MACF1: variants seen among roughly 807,000 people sequenced by gnomAD.
The protein encoded by MACF1 is microtubule-actin cross-linking factor 1.
Under a neutral mutation model 854.8 loss-of-function variants are expected in MACF1, and 193 were observed. The ratio of observed to expected loss-of-function variants is 0.23; its 90% CI spans 0.20 to 0.25. The LOEUF (loss-of-function observed/expected upper bound fraction) is 0.25. Among genes scored for constraint, MACF1 ranks in the 10% least tolerant of loss-of-function variants. The probability of loss-of-function intolerance (pLI) is 1.00; values close to 1 mark genes in which losing one functional copy is unlikely to be tolerated. For missense variants in MACF1, 7,722 were observed against 8,929.1 expected (o/e 0.86, Z 5.45); for synonymous variants, 3,185 against 3,226.7 (o/e 0.99, Z 0.44).
At chr1:39,093,909 G>C (rs1641874209) in intron 2 of MACF1, among the ~76,000 whole-genome samples, 1 of 152,088 alleles carries the variant, frequency 6.6e-6, no homozygotes, top group African/African-American at 2.4e-5. Flanking sequence ...CTCCTGAGTA[G>C]CTGGGATTAC....
At position 39,376,073 on chromosome 1, in the gene MACF1, T is replaced by C. The variant is rs538629567; in HGVS notation, c.13214-2388T>C. Reference sequence around the variant, plus strand: ...AAATTGCTGGTAAAGAGCTACCACCTTTCCAATCAGGGACACTCAAAAATA... The same window carrying C: ...AAATTGCTGGTAAAGAGCTACCACCCTTCCAATCAGGGACACTCAAAAATA... On this transcript the variant is annotated intron_variant, in intron 52 of 100. Coordinates refer to ENST00000564288, the MANE Select transcript of MACF1 (RefSeq NM_001394062.1). Among the ~76,000 whole-genome samples the C allele has an allele frequency of 1.6e-4, 24 of 152,350 alleles. No individual in the cohort carries two copies. In the East Asian group the frequency reaches 4.6e-3, roughly 29 times the overall value.
chr1:39,383,453 TA>T (rs1650418806), intron 56 of MACF1, among the ~76,000 whole-genome samples: 1 of 152,224 alleles, frequency 6.6e-6, no homozygotes, highest in South Asian at 2.1e-4. Flanking sequence ...TTTATTGTAT[TA>T]AAATACTGAG....
intron 15 of MACF1, among the ~76,000 whole-genome samples, 183 bp from the exon 16 acceptor site, chr1:39,291,724 TCTC>T (rs1645794350): frequency 6.6e-6 from 1 of 152,146 alleles, no homozygotes; most frequent in Admixed American, 6.5e-5. Context: ...TGGGCTCTGT[TCTC>T]CTGCTTCTTA....
At chr1:39,276,470 C>T (rs1001371935) in intron 6 of MACF1, among the ~76,000 whole-genome samples, 5 of 152,146 alleles carry the variant, frequency 3.3e-5, no homozygotes, top group South Asian at 4.1e-4. Context: ...TCTTTTCTAT[C>T]GGTTCCCAAT....
In MACF1 at chr1:39,105,404, C is replaced by G. The variant is rs1464040216; in HGVS notation, c.220+20966C>G. The G allele has an allele frequency of 1.2e-4, 117 of 986,880 alleles. No homozygotes were observed. In the Admixed American group the frequency reaches 1.4e-3, roughly 12 times the overall value. The allele number at this position is 986,880 out of a possible 1,614,324, so 61.1% of individuals were successfully genotyped here. ...GCCGAGGGGTGAGGACGCGGAAACG[C>G]GAGCCGGGACCGGCGGAGCGCGAGC... On this transcript the variant is annotated intron_variant, in intron 2 of 93. Transcript: ENST00000361689. This position sits in a 1 kb window ranked among gnomAD's most constrained non-coding sequence, Gnocchi z 5.9.
intron 2 of MACF1, among the ~76,000 whole-genome samples, chr1:39,145,497 T>C (rs1267443592): frequency 6.6e-6 from 1 of 151,308 alleles, no homozygotes; most frequent in Non-Finnish European, 1.5e-5. Flanking sequence ...AGCTTATCTC[T>C]TCTTCAGACT....
At position 39,352,432 on chromosome 1, in the gene MACF1, G is replaced by A. The variant is rs578230771; in HGVS notation, c.11200-575G>A. ...ATTTCTTACCCTACCAAGCCAGTCC[G>A]GCACTTCTGTGTACCTCAAAAGATT... On this transcript the variant is annotated intron_variant, in intron 43 of 100. Transcript: ENST00000564288. Among the ~76,000 whole-genome samples, 23 of 152,282 alleles carry A rather than the reference G, an allele frequency of 1.5e-4. No individual in the cohort carries two copies. In the East Asian group the frequency reaches 3.5e-3, roughly 23 times the overall value.
chr1:39,303,308 A>G (rs537383442), intron 23 of MACF1, among the ~76,000 whole-genome samples: 2 of 151,676 alleles, frequency 1.3e-5, no homozygotes, highest in Admixed American at 1.3e-4. Context: ...TTTTTAAAGA[A>G]CTCCTGGTTA....
At chr1:39,266,322 A>G (rs1006770571) in intron 6 of MACF1, among the ~76,000 whole-genome samples, 2 of 152,220 alleles carry the variant, frequency 1.3e-5, no homozygotes, top group African/African-American at 4.8e-5. Context: ...ACCTGCCTAG[A>G]GAACTTCATA....
At chr1:39,176,332 A>G (rs1221032080) in intron 2 of MACF1, among the ~76,000 whole-genome samples, 1 of 151,874 alleles carries the variant, frequency 6.6e-6, no homozygotes, top group Non-Finnish European at 1.5e-5. Context: ...ATAGCACACA[A>G]CAATTCTTCT....
chr1:39,162,298 G>T (rs761683432), intron 2 of MACF1, among the ~76,000 whole-genome samples: 3 of 152,130 alleles, frequency 2.0e-5, no homozygotes, highest in Non-Finnish European at 4.4e-5. Context: ...CACTGTGCTC[G>T]GCCTCTGTCG....
chr1:39,355,045 T>C (rs1647410369), intron 44 of MACF1, among the ~76,000 whole-genome samples: 2 of 152,236 alleles, frequency 1.3e-5, no homozygotes, highest in Admixed American at 6.5e-5. Flanking sequence ...ATGGATCATA[T>C]ATTTTAGTGG....
At chr1:39,371,944 G>T (rs930161901) in intron 51 of MACF1, among the ~76,000 whole-genome samples, 3 of 151,536 alleles carry the variant, frequency 2.0e-5, no homozygotes, top group African/African-American at 7.3e-5. Context: ...GCCCTGAGTC[G>T]CTGGGATTAC....
At chr1:39,423,167 T>G (rs1453439538) in intron 60 of MACF1, among the ~76,000 whole-genome samples, 1 of 152,220 alleles carries the variant, frequency 6.6e-6, no homozygotes, top group Admixed American at 6.5e-5. Context: ...TTTTTGGTGT[T>G]TTCAGGGTCA....
intron 1 of MACF1, among the ~76,000 whole-genome samples, chr1:39,220,541 G>C (rs1487477128): frequency 6.9e-6 from 1 of 144,154 alleles, no homozygotes; most frequent in African/African-American, 2.6e-5. Flanking sequence ...GGAGTGCAGT[G>C]GCGCAATCTC....
intron 6 of MACF1, chr1:39,268,551 G>C: frequency 2.6e-6 from 3 of 1,169,518 alleles, no homozygotes; most frequent in Non-Finnish European, 3.2e-6. Context: ...AGAGAGGCGG[G>C]GAGGGAGGGA....
chr1:39,364,440 T>C (rs1648494964), intron 49 of MACF1, among the ~76,000 whole-genome samples: 1 of 152,208 alleles, frequency 6.6e-6, no homozygotes, highest in Middle Eastern at 3.4e-3. Flanking sequence ...GTTAGAAATA[T>C]TGTTTCCCAG....
intron 11 of MACF1, among the ~76,000 whole-genome samples, 199 bp downstream of exon 11, chr1:39,284,627 A>G (rs1265367788): frequency 1.3e-5 from 2 of 152,194 alleles, no homozygotes; most frequent in African/African-American, 4.8e-5. Context: ...CTGTTTTTTA[A>G]AGGGCTTATT....
At chr1:39,194,331 C>CTTTTTTTT (rs1644290715) in intron 2 of MACF1, among the ~76,000 whole-genome samples, 1 of 63,212 alleles carries the variant, frequency 1.6e-5, no homozygotes. Flanking sequence ...CTTTTCTTTT[C>CTTTTTTTT]TTTTCTTTTC....
Sources: allele counts gnomAD v4.1 joint callset (sites outside exome capture counted in the v4.1 genomes callset), GRCh38; gene constraint gnomAD v4.1.1; non-coding constraint Gnocchi (gnomAD v3.1); transcripts MANE v1.5; gene names NCBI Gene and HGNC (gene_info 2026-07-23, HGNC 2026-07-21).